Variants in NAALADL2 observed in about 807,000 individuals in gnomAD.
The protein encoded by NAALADL2 is N-acetylated alpha-linked acidic dipeptidase like 2, also known as inactive N-acetylated-alpha-linked acidic dipeptidase-like protein 2.
Under a neutral mutation model 87.2 loss-of-function variants are expected in NAALADL2, and 76 were observed. The ratio of observed to expected loss-of-function variants is 0.87; its 90% CI spans 0.72 to 1.05. The LOEUF (loss-of-function observed/expected upper bound fraction) is 1.05, where lower values mean the gene tolerates loss of function less well. Ranked by LOEUF, NAALADL2 falls within the 50% of genes least tolerant of loss-of-function variation. The probability of loss-of-function intolerance (pLI) is 0.00; values close to 1 mark genes in which losing one functional copy is unlikely to be tolerated. For synonymous variants in NAALADL2, 354 were observed against 331.0 expected (o/e 1.07, Z -0.75); for missense variants, 1,089 against 945.8 (o/e 1.15, Z -1.99).
chr3:175,624,275 A>G (rs1021934984), intron 10 of NAALADL2, among the ~76,000 whole-genome samples: 9 of 151,958 alleles, frequency 5.9e-5, no homozygotes, highest in African/African-American at 1.7e-4. Flanking sequence ...AATACAACCA[A>G]ACTTTCCAGA....
At chr3:174,447,167 A>G (rs1441556939) in intron 1 of NAALADL2, among the ~76,000 whole-genome samples, 2 of 152,184 alleles carry the variant, frequency 1.3e-5, no homozygotes, top group Non-Finnish European at 2.9e-5. Flanking sequence ...TTCCTACATC[A>G]GCCCTTTTGT....
chr3:174,657,612 T>G (rs1447153175), intron 2 of NAALADL2, among the ~76,000 whole-genome samples: 1 of 152,194 alleles, frequency 6.6e-6, no homozygotes, highest in Non-Finnish European at 1.5e-5. Flanking sequence ...TCGTGACAAC[T>G]GTATCAGCGT....
At chr3:174,691,686 AC>A (rs1269739894) in intron 2 of NAALADL2, among the ~76,000 whole-genome samples, 2 of 152,214 alleles carry the variant, frequency 1.3e-5, no homozygotes, top group African/African-American at 2.4e-5. Context: ...ATAGCATTTT[AC>A]CCATAGTAAA....
intron 5 of NAALADL2, among the ~76,000 whole-genome samples, chr3:175,398,352 T>C (rs998595982): frequency 7.6e-6 from 1 of 131,852 alleles, no homozygotes; most frequent in Non-Finnish European, 1.8e-5. Context: ...TACTTTTTTT[T>C]TTTTTTTTTT....
intron 1 of NAALADL2, among the ~76,000 whole-genome samples, chr3:174,503,038 A>AC (rs1718992298): frequency 6.6e-6 from 1 of 150,636 alleles, no homozygotes; most frequent in Non-Finnish European, 1.5e-5. Context: ...AAAAAAAAAA[A>AC]AACCTCTTAT....
upstream of NAALADL2, among the ~76,000 whole-genome samples, chr3:174,856,187 G>T (rs1245583535): frequency 6.6e-6 from 1 of 151,888 alleles, no homozygotes; most frequent in African/African-American, 2.4e-5. Context: ...TGTATTGTTT[G>T]TTCACACAGG....
chr3:174,850,994 A>C (rs1560286213), intron 3 of NAALADL2, among the ~76,000 whole-genome samples: 1 of 152,138 alleles, frequency 6.6e-6, no homozygotes, highest in South Asian at 2.1e-4. Context: ...AAAGTTAAAC[A>C]TTATTCTCCT....
At chr3:175,462,834 A>G (rs1388318929) in intron 6 of NAALADL2, among the ~76,000 whole-genome samples, 1 of 152,224 alleles carries the variant, frequency 6.6e-6, no homozygotes, top group South Asian at 2.1e-4. Flanking sequence ...GAATAGAGGT[A>G]AGGGACCTAC....
At chr3:175,779,224 G>A (rs1244630036) in intron 13 of NAALADL2, among the ~76,000 whole-genome samples, 15 of 152,034 alleles carry the variant, frequency 9.9e-5, no homozygotes, top group Admixed American at 9.8e-4. Flanking sequence ...GGAAGAAAAA[G>A]GAAGTTCAGA....
chr3:174,516,432 C>A (rs1339928669), intron 1 of NAALADL2, among the ~76,000 whole-genome samples: 1 of 151,958 alleles, frequency 6.6e-6, no homozygotes, highest in Non-Finnish European at 1.5e-5. Flanking sequence ...CAGTAACTCA[C>A]CTTCTATTTG....
intron 9 of NAALADL2, among the ~76,000 whole-genome samples, chr3:175,511,340 A>G (rs929162896): frequency 6.6e-6 from 1 of 152,184 alleles, no homozygotes; most frequent in African/African-American, 2.4e-5. Context: ...TAAAGAGCTG[A>G]TTAAGTTAAA....
At chr3:175,310,118 C>T (rs1346892885) in intron 4 of NAALADL2, among the ~76,000 whole-genome samples, 1 of 152,188 alleles carries the variant, frequency 6.6e-6, no homozygotes, top group Non-Finnish European at 1.5e-5. Context: ...AGTGATTTGA[C>T]ATATACCTTT....
At chr3:175,295,718 A>AACACAC (rs58935758) in intron 4 of NAALADL2, among the ~76,000 whole-genome samples, 2,636 of 143,744 alleles carry the variant, frequency 0.018, 42 homozygotes, top group African/African-American at 0.039. Context: ...CATGCACACA[A>AACACAC]ACACACACAC....
intron 9 of NAALADL2, among the ~76,000 whole-genome samples, chr3:175,549,731 A>T (rs1290079105): frequency 6.6e-6 from 1 of 152,024 alleles, no homozygotes; most frequent in Non-Finnish European, 1.5e-5. Flanking sequence ...TAGGCAATAC[A>T]AAGGCGGACT....
At chr3:175,161,212 T>C (rs984301766) in intron 2 of NAALADL2, among the ~76,000 whole-genome samples, 1 of 152,052 alleles carries the variant, frequency 6.6e-6, no homozygotes, top group African/African-American at 2.4e-5. Flanking sequence ...CAGGTTCTTG[T>C]CTGCAAGCAA....
At chr3:174,930,613 A>AATT in intron 1 of NAALADL2, among the ~76,000 whole-genome samples, 1 of 99,790 alleles carries the variant, frequency 1.0e-5, no homozygotes, top group East Asian at 3.6e-4. Context: ...AATAAGATGA[A>AATT]CTTTTTTTTT....
intron 1 of NAALADL2, among the ~76,000 whole-genome samples, chr3:174,470,293 T>G (rs1716820372): frequency 1.3e-5 from 2 of 152,222 alleles, no homozygotes; most frequent in African/African-American, 4.8e-5. Context: ...TATTTCTATA[T>G]CTTCTTTTGA....
chr3:174,730,678 A>G (rs1365994801), intron 2 of NAALADL2, among the ~76,000 whole-genome samples: 2 of 152,134 alleles, frequency 1.3e-5, no homozygotes, highest in African/African-American at 4.8e-5. Flanking sequence ...ATTGATTGAC[A>G]TATTTTTTTA....
intron 1 of NAALADL2, among the ~76,000 whole-genome samples, chr3:174,997,058 ATTTTTT>A (rs200338062): frequency 4.0e-5 from 5 of 125,974 alleles, no homozygotes; most frequent in Non-Finnish European, 6.7e-5. Context: ...ATATATATAT[ATTTTTT>A]TTTTTAATCC....
Sources: gnomAD v4.1 joint callset for allele counts (sites outside exome capture counted in the v4.1 genomes callset) on GRCh38, gnomAD v4.1.1 for gene constraint, MANE v1.5 for transcripts, NCBI Gene and HGNC (gene_info 2026-07-23, HGNC 2026-07-21) for gene names.